The following TAMM41 variants were observed in gnomAD, a reference collection of about 807,000 sequenced individuals.
TAMM41 encodes the protein phosphatidate cytidylyltransferase, mitochondrial.
In TAMM41, 36 loss-of-function variants were observed where a neutral mutation model predicts 44.1. That is an observed-to-expected ratio of 0.82 (90% confidence interval 0.63 to 1.08). The LOEUF (loss-of-function observed/expected upper bound fraction) is 1.08. TAMM41 is among the 50% of genes least tolerant of loss of function. The pLI is 0.00. For missense variants in TAMM41, 417 were observed against 404.3 expected (o/e 1.03, Z -0.27); for synonymous variants, 164 against 153.1 (o/e 1.07, Z -0.53).
Position 11,846,855 on chromosome 3 carries a change from T to A in TAMM41, c.-219A>T. 1.7e-6 allele frequency: 1 copy of A among 578,974 alleles called. No individual in the cohort carries two copies. The highest frequency in any genetic ancestry group is 3.0e-6 in the Non-Finnish European group (1 of 330,056). The allele number at this position is 578,974 out of a possible 1,614,324, so 35.9% of individuals were successfully genotyped here. A position where few individuals can be genotyped will look rare whatever the true frequency, so the allele number is the denominator to read the frequency against. ...AAGACGCAGCCCAGATAGGCTCGGG[T>A]GGGCGGCGGTCGCACAGGCAGAGCT... is the stretch of plus-strand genomic sequence containing the variant. On this transcript the variant is annotated 5_prime_UTR_variant, in exon 1 of 8. Coordinates refer to ENST00000455809, the MANE Select transcript of TAMM41 (RefSeq NM_001284401.2).
At chr3:11,759,049 A>G in the TAMM41 span, among the ~76,000 whole-genome samples, 1 of 152,202 alleles carries the variant, frequency 6.6e-6, no homozygotes, top group Non-Finnish European at 1.5e-5. Context: ...AAAGAGCATT[A>G]TATGCTTTAA....
At chr3:11,765,888 G>C in the TAMM41 span, among the ~76,000 whole-genome samples, 3 of 152,036 alleles carry the variant, frequency 2.0e-5, no homozygotes, top group Admixed American at 2.0e-4. Flanking sequence ...TTTTAGTAGA[G>C]ACTGGGTTTC....
At chr3:11,815,012 G>A (rs555253544) in intron 5 of TAMM41, among the ~76,000 whole-genome samples, 37 of 152,242 alleles carry the variant, frequency 2.4e-4, no homozygotes, top group African/African-American at 8.7e-4. Flanking sequence ...CCAAGTGACT[G>A]AATAATGAAT....
At chr3:11,774,272 T>C in the TAMM41 span, among the ~76,000 whole-genome samples, 1 of 152,130 alleles carries the variant, frequency 6.6e-6, no homozygotes, top group Non-Finnish European at 1.5e-5. Flanking sequence ...CAGGCAGAGC[T>C]CTCTCACCAC....
At chr3:11,809,333 TC>T in intron 6 of TAMM41, 183 bp downstream of exon 6, 1 of 636,898 alleles carries the variant, frequency 1.6e-6, no homozygotes, top group Non-Finnish European at 2.7e-6. Flanking sequence ...ATTTTCACCA[TC>T]TTACTTCAAA....
the TAMM41 span, among the ~76,000 whole-genome samples, chr3:11,783,304 C>T: frequency 6.7e-6 from 1 of 150,078 alleles, no homozygotes; most frequent in African/African-American, 2.5e-5. Context: ...GAAACTCAAC[C>T]ATCAGCTCCA....
chr3:11,753,488 G>A, the TAMM41 span, among the ~76,000 whole-genome samples: 1 of 151,980 alleles, frequency 6.6e-6, no homozygotes, highest in Admixed American at 6.6e-5. Context: ...ACTTTGGGAG[G>A]CCGAGGCATG....
chr3:11,791,343 G>C (rs1432878024), intron 7 of TAMM41, among the ~76,000 whole-genome samples: 1 of 152,198 alleles, frequency 6.6e-6, no homozygotes, highest in South Asian at 2.1e-4. Flanking sequence ...AGGAGTGTGT[G>C]ATGAAACTGG....
At chr3:11,822,137 G>T (rs958927421) in intron 4 of TAMM41, among the ~76,000 whole-genome samples, 1 of 152,056 alleles carries the variant, frequency 6.6e-6, no homozygotes, top group African/African-American at 2.4e-5. Context: ...AAGTATTTCA[G>T]ATAAGGGATA....
At chr3:11,769,549 A>G in the TAMM41 span, among the ~76,000 whole-genome samples, 1 of 152,180 alleles carries the variant, frequency 6.6e-6, no homozygotes, top group African/African-American at 2.4e-5. Flanking sequence ...AGCAGCCATA[A>G]GACAATACAT....
chr3:11,787,667 G>C (rs1410096601), downstream of TAMM41, among the ~76,000 whole-genome samples: 1 of 152,166 alleles, frequency 6.6e-6, no homozygotes, highest in Admixed American at 6.5e-5. Context: ...ACCACGTTAG[G>C]TAATTTACGT....
the TAMM41 span, among the ~76,000 whole-genome samples, chr3:11,767,740 C>T: frequency 6.7e-6 from 1 of 149,782 alleles, no homozygotes; most frequent in African/African-American, 2.5e-5. Context: ...ATTCTCCTGC[C>T]TCAGCCACCT....
At chr3:11,845,778 T>C (rs937646141) in intron 1 of TAMM41, among the ~76,000 whole-genome samples, 1 of 152,166 alleles carries the variant, frequency 6.6e-6, no homozygotes, top group Non-Finnish European at 1.5e-5. Flanking sequence ...CATTAAAACC[T>C]GCACACTGAA....
chr3:11,813,284 C>T (rs1257953539), intron 5 of TAMM41, among the ~76,000 whole-genome samples: 1 of 152,156 alleles, frequency 6.6e-6, no homozygotes, highest in African/African-American at 2.4e-5. Flanking sequence ...AATCCCAGCA[C>T]TTTGGGAGGC....
chr3:11,726,086 A>C, the TAMM41 span, among the ~76,000 whole-genome samples: 1 of 152,210 alleles, frequency 6.6e-6, no homozygotes, highest in African/African-American at 2.4e-5. Context: ...AACGGCTGCC[A>C]ATCTGAATTG....
the TAMM41 span, among the ~76,000 whole-genome samples, chr3:11,722,225 C>A: frequency 6.6e-6 from 1 of 152,136 alleles, no homozygotes; most frequent in African/African-American, 2.4e-5. Flanking sequence ...ATGGATGTGA[C>A]CAGTCTTCGA....
the TAMM41 span, among the ~76,000 whole-genome samples, chr3:11,733,717 G>A: frequency 6.6e-5 from 10 of 151,930 alleles, no homozygotes; most frequent in African/African-American, 1.7e-4. Flanking sequence ...GGATGGTCTC[G>A]ATCTCCTGAC....
chr3:11,805,824 G>T (rs1168015015), intron 7 of TAMM41, among the ~76,000 whole-genome samples: 1 of 152,192 alleles, frequency 6.6e-6, no homozygotes, highest in Non-Finnish European at 1.5e-5. Context: ...ATACGCCTCT[G>T]CAAGTCAGTA....
the TAMM41 span, among the ~76,000 whole-genome samples, chr3:11,750,646 G>T: frequency 6.6e-6 from 1 of 152,110 alleles, no homozygotes; most frequent in Non-Finnish European, 1.5e-5. Context: ...CAGATCTGGA[G>T]AATACTGACA....
Sources: allele counts gnomAD v4.1 joint callset (sites outside exome capture counted in the v4.1 genomes callset), GRCh38; gene constraint gnomAD v4.1.1; transcripts MANE v1.5; gene names NCBI Gene and HGNC (gene_info 2026-07-23, HGNC 2026-07-21).